NALF1: variants seen among roughly 807,000 people sequenced by gnomAD.
NALF1 encodes the protein NALCN channel auxiliary factor 1, also known as family with sequence similarity 155 member A.
In NALF1, 3 loss-of-function variants were observed where a neutral mutation model predicts 48.4. That is an observed-to-expected ratio of 0.06 (90% confidence interval 0.03 to 0.16). The LOEUF (loss-of-function observed/expected upper bound fraction) is 0.16. Among genes scored for constraint, NALF1 ranks in the 10% least tolerant of loss-of-function variants. The probability of loss-of-function intolerance (pLI) is 1.00; values close to 1 mark genes in which losing one functional copy is unlikely to be tolerated. For synonymous variants in NALF1, 262 were observed against 245.7 expected, an observed-to-expected ratio of 1.07 and a Z score of -0.62; for missense variants, 526 against 571.5, an observed-to-expected ratio of 0.92 and a Z score of 0.81.
At chr13:107,594,460 C>A (rs971217043) in intron 1 of NALF1, among the ~76,000 whole-genome samples, 4 of 151,924 alleles carry the variant, frequency 2.6e-5, no homozygotes, top group African/African-American at 4.8e-5. Context: ...TTGTCTCTTT[C>A]CCCCAATCCC....
chr13:107,324,816 T>C (rs1036916901), intron 1 of NALF1, among the ~76,000 whole-genome samples: 2 of 152,238 alleles, frequency 1.3e-5, no homozygotes, highest in Non-Finnish European at 2.9e-5. Context: ...GTTATATTGA[T>C]TGATATGTGA....
chr13:107,719,926 T>C (rs1186886190), intron 1 of NALF1, among the ~76,000 whole-genome samples: 1 of 152,112 alleles, frequency 6.6e-6, no homozygotes, highest in Non-Finnish European at 1.5e-5. Context: ...CATATTTCTC[T>C]CTTCTTCCTC....
intron 1 of NALF1, among the ~76,000 whole-genome samples, chr13:107,661,000 T>C (rs1358077728): frequency 6.6e-6 from 1 of 152,216 alleles, no homozygotes; most frequent in African/African-American, 2.4e-5. Context: ...CTTCATTGCA[T>C]AATTTTATTT....
intron 1 of NALF1, among the ~76,000 whole-genome samples, chr13:107,661,240 T>C (rs1036652382): frequency 6.6e-6 from 1 of 152,210 alleles, no homozygotes; most frequent in African/African-American, 2.4e-5. Flanking sequence ...CACCCCACAC[T>C]TGCCTTCCTC....
At chr13:107,722,227 TAAAG>T (rs2138528496) in intron 1 of NALF1, among the ~76,000 whole-genome samples, 1 of 152,054 alleles carries the variant, frequency 6.6e-6, no homozygotes, top group African/African-American at 2.4e-5. Context: ...GAATCCAAAT[TAAAG>T]AAAACAAGGA....
chr13:107,304,850 AT>A (rs1881905099), intron 1 of NALF1, among the ~76,000 whole-genome samples: 1 of 152,214 alleles, frequency 6.6e-6, no homozygotes. Flanking sequence ...TGTTGTTATT[AT>A]TCTGTGAACA....
At chr13:107,692,451 A>G (rs1361177406) in intron 1 of NALF1, among the ~76,000 whole-genome samples, 1 of 152,180 alleles carries the variant, frequency 6.6e-6, no homozygotes, top group Non-Finnish European at 1.5e-5. Context: ...TTTTTCATTT[A>G]AAACCTCAAT....
intron 1 of NALF1, among the ~76,000 whole-genome samples, chr13:107,285,410 C>A (rs980118582): frequency 6.6e-6 from 1 of 152,236 alleles, no homozygotes; most frequent in Non-Finnish European, 1.5e-5. Flanking sequence ...ACTGCCACCT[C>A]TAAGCCCAGG....
intron 1 of NALF1, among the ~76,000 whole-genome samples, chr13:107,604,177 G>A (rs756929218): frequency 6.6e-6 from 1 of 152,106 alleles, no homozygotes; most frequent in Non-Finnish European, 1.5e-5. Context: ...GATCAGAAAT[G>A]ATGTACTCCT....
intron 1 of NALF1, among the ~76,000 whole-genome samples, chr13:107,429,426 G>T (rs535029940): frequency 6.6e-6 from 1 of 151,748 alleles, no homozygotes; most frequent in Middle Eastern, 3.5e-3. Flanking sequence ...AGCACCAATC[G>T]CTAAAATAAT....
chr13:107,760,505 T>C (rs547073276), intron 1 of NALF1, among the ~76,000 whole-genome samples: 3 of 152,324 alleles, frequency 2.0e-5, no homozygotes, highest in African/African-American at 7.2e-5. Context: ...GAATTATATT[T>C]TCACAGAACA....
intron 1 of NALF1, among the ~76,000 whole-genome samples, chr13:107,596,872 T>C (rs1420708864): frequency 6.6e-6 from 1 of 152,214 alleles, no homozygotes; most frequent in Non-Finnish European, 1.5e-5. Flanking sequence ...TCTATTTTTT[T>C]CCCATGTTGG....
At chr13:107,568,799 T>A (rs570583586) in intron 1 of NALF1, among the ~76,000 whole-genome samples, 2 of 152,358 alleles carry the variant, frequency 1.3e-5, no homozygotes, top group South Asian at 4.1e-4. Flanking sequence ...ATTTTTTGAA[T>A]GTTGAATTTT....
At chr13:107,534,544 G>T (rs1287430413) in intron 1 of NALF1, among the ~76,000 whole-genome samples, 2 of 152,148 alleles carry the variant, frequency 1.3e-5, no homozygotes, top group Non-Finnish European at 1.5e-5. Context: ...GTGTGACACA[G>T]TGGTTTGCTG....
chr13:107,488,171 T>C (rs1057409313), intron 1 of NALF1, among the ~76,000 whole-genome samples: 3 of 151,812 alleles, frequency 2.0e-5, no homozygotes, highest in South Asian at 4.2e-4. Context: ...TTCTTATTAG[T>C]ATAGCTAGTG....
At chr13:107,429,569 AAACT>A (rs1884340495) in intron 1 of NALF1, among the ~76,000 whole-genome samples, 2 of 152,156 alleles carry the variant, frequency 1.3e-5, no homozygotes, top group East Asian at 3.9e-4. Flanking sequence ...AGTGTTTGAT[AAACT>A]AACTAATATT....
rs117795506 is a variant in NALF1 at position 107,332,150 on chromosome 13, C to T, written c.916-121395G>A. On this transcript the variant is annotated intron_variant, in intron 1 of 2. Coordinates refer to ENST00000375915, the MANE Select transcript of NALF1 (RefSeq NM_001080396.3). ...TTATAAAACAATTAGCTTTTGAATG[C>T]ATAGATTTTGTTAAAGTAGCAATAA... is the stretch of plus-strand genomic sequence containing the variant. Among the ~76,000 whole-genome samples the T allele has an allele frequency of 8.4e-3, 1,282 of 152,232 alleles. 9 individuals carry two copies. Among genetic ancestry groups the T allele is most frequent in the Non-Finnish European group, 0.015 (994 of 68,006 alleles).
chr13:107,607,183 G>A (rs902036144), intron 1 of NALF1, among the ~76,000 whole-genome samples: 1 of 152,090 alleles, frequency 6.6e-6, no homozygotes, highest in Admixed American at 6.5e-5. Flanking sequence ...AATCCAGGTC[G>A]AAGACAAAAA....
intron 1 of NALF1, among the ~76,000 whole-genome samples, chr13:107,845,962 T>C (rs1880160492): frequency 6.6e-6 from 1 of 152,148 alleles, no homozygotes; most frequent in South Asian, 2.1e-4. Context: ...CAAATACATA[T>C]GAATATATAT....
Sources: gnomAD v4.1 joint callset for allele counts (sites outside exome capture counted in the v4.1 genomes callset) on GRCh38, gnomAD v4.1.1 for gene constraint, MANE v1.5 for transcripts, NCBI Gene and HGNC (gene_info 2026-07-23, HGNC 2026-07-21) for gene names.